The following SLC35F4 variants were observed in gnomAD, a reference collection of about 807,000 sequenced individuals.
SLC35F4 encodes chromosome 14 open reading frame 36.
In SLC35F4, 24 loss-of-function variants were observed where a neutral mutation model predicts 44.2. The ratio of observed to expected loss-of-function variants is 0.54; its 90% CI spans 0.39 to 0.76. SLC35F4 has a LOEUF of 0.76. SLC35F4 is among the 30% of genes least tolerant of loss of function. The probability of loss-of-function intolerance (pLI) is 0.00; values close to 1 mark genes in which losing one functional copy is unlikely to be tolerated. For missense variants in SLC35F4, 562 were observed against 586.1 expected (o/e 0.96, Z 0.42); for synonymous variants, 238 against 223.6 (o/e 1.06, Z -0.57).
chr14:57,746,420 A>G (rs2076755480), intron 1 of SLC35F4, among the ~76,000 whole-genome samples: 1 of 151,912 alleles, frequency 6.6e-6, no homozygotes, highest in Admixed American at 6.6e-5. Flanking sequence ...TGATCATATT[A>G]TTTTTCTCTT....
chr14:57,722,146 A>G (rs2076100881), intron 1 of SLC35F4, among the ~76,000 whole-genome samples: 1 of 152,182 alleles, frequency 6.6e-6, no homozygotes, highest in South Asian at 2.1e-4. Context: ...ATAATGGTGG[A>G]AGGAACACAG....
upstream of SLC35F4, among the ~76,000 whole-genome samples, chr14:57,983,067 C>A (rs1327723612): frequency 6.6e-6 from 1 of 152,230 alleles, no homozygotes; most frequent in Non-Finnish European, 1.5e-5. Flanking sequence ...ACCAACCTGG[C>A]TCTGTCTGCC....
At chr14:57,913,449 T>C (rs1041473447) in intron 1 of SLC35F4, among the ~76,000 whole-genome samples, 12 of 152,100 alleles carry the variant, frequency 7.9e-5, no homozygotes, top group African/African-American at 2.9e-4. Flanking sequence ...TTTTTCAACG[T>C]TTTTTAGTGG....
intron 1 of SLC35F4, among the ~76,000 whole-genome samples, chr14:57,597,771 T>G (rs2070581656): frequency 1.3e-5 from 2 of 152,164 alleles, no homozygotes; most frequent in Admixed American, 1.3e-4. Context: ...GTGCATGCTA[T>G]GAAGCTCAAT....
downstream of SLC35F4, among the ~76,000 whole-genome samples, chr14:57,975,544 G>T (rs527367665): frequency 2.0e-5 from 3 of 152,352 alleles, no homozygotes; most frequent in African/African-American, 7.2e-5. Context: ...CAGTAAATGA[G>T]ATGGAGATGT....
At position 57,865,799 on chromosome 14, in the gene SLC35F4, CCCG is replaced by C. The variant is rs1486856503; in HGVS notation, c.24_26del (p.Asn8_Gly9delinsLys). On this transcript the variant is annotated inframe_deletion, in exon 1 of 8. Coordinates refer to ENST00000556826, the MANE Select transcript of SLC35F4 (RefSeq NM_001306087.2). ...GGATCCGGTCCTCGATAGTGGCCACCCCGTTGGGGGCCGCCTTGACATCCATAG... is the reference window on the plus strand; with the variant it reads ...GGATCCGGTCCTCGATAGTGGCCACCTTGGGGGCCGCCTTGACATCCATAG... 6.6e-7 allele frequency: 1 copy of C among 1,519,828 alleles called. No individual in the cohort carries two copies. The highest frequency in any genetic ancestry group is 8.8e-7 in the Non-Finnish European group (1 of 1,140,442). 94.1% of individuals were successfully genotyped at this position (1,519,828 alleles called of 1,614,324 possible).
intron 1 of SLC35F4, among the ~76,000 whole-genome samples, chr14:57,657,215 T>C (rs1218820694): frequency 6.6e-6 from 1 of 152,254 alleles, no homozygotes; most frequent in African/African-American, 2.4e-5. Flanking sequence ...CTTCCCATTT[T>C]GGGAGATGGA....
chr14:57,875,174 C>T (rs1888373218), intron 1 of SLC35F4, among the ~76,000 whole-genome samples: 1 of 152,068 alleles, frequency 6.6e-6, no homozygotes, highest in Non-Finnish European at 1.5e-5. Context: ...TGTGTAATCT[C>T]CTACTGAAAT....
intron 1 of SLC35F4, among the ~76,000 whole-genome samples, chr14:57,625,872 C>T (rs1185789322): frequency 5.3e-5 from 8 of 152,126 alleles, no homozygotes; most frequent in African/African-American, 1.4e-4. Context: ...GACACACACA[C>T]GTATGTTTAT....
rs116460556 is a variant in SLC35F4, at chr14:57,690,922, C to G, written c.104-96798G>C. Among the ~76,000 whole-genome samples the G allele has an allele frequency of 4.1e-3, 628 of 152,254 alleles. 6 individuals carry two copies. The highest frequency in any genetic ancestry group is 0.014 in the African/African-American group (585 of 41,562). ...TGAAGCTTGGCTTGCTTGCCCGCTGCTCACCTCCTGCTGTGCAGCCCAGTA... is the reference window on the plus strand; with the variant it reads ...TGAAGCTTGGCTTGCTTGCCCGCTGGTCACCTCCTGCTGTGCAGCCCAGTA... On this transcript the variant is annotated intron_variant, in intron 1 of 7. Coordinates refer to ENST00000556826, the MANE Select transcript of SLC35F4 (RefSeq NM_001306087.2).
chr14:57,632,876 GCCTC>G lies in SLC35F4; in HGVS notation c.104-38756_104-38753del, dbSNP rs1304097085. On this transcript the variant is annotated intron_variant, in intron 1 of 7. Coordinates refer to ENST00000556826, the MANE Select transcript of SLC35F4 (RefSeq NM_001306087.2). Reference sequence around the variant, plus strand: ...CTTCCCTAAAAATCCTCTGTGCTTTGCCTCCCTCCCTATCCATCCCTCCCTCCCT... The same window carrying G: ...CTTCCCTAAAAATCCTCTGTGCTTTGCCTCCCTATCCATCCCTCCCTCCCT... Among the ~76,000 whole-genome samples the G allele has an allele frequency of 2.0e-5, 3 of 151,878 alleles. No individual in the cohort carries two copies. In the East Asian group the frequency reaches 5.8e-4, roughly 29 times the overall value.
intron 1 of SLC35F4, among the ~76,000 whole-genome samples, chr14:57,953,285 C>A (rs950531331): frequency 6.6e-6 from 1 of 152,074 alleles, no homozygotes; most frequent in Non-Finnish European, 1.5e-5. Context: ...GAAAGAAGCA[C>A]TAAATATGGA....
At chr14:57,887,497 C>G (rs141278787) in intron 1 of SLC35F4, among the ~76,000 whole-genome samples, 1 of 152,328 alleles carries the variant, frequency 6.6e-6, no homozygotes, top group African/African-American at 2.4e-5. Flanking sequence ...AGACTAAAAA[C>G]TGAGAAACAG....
chr14:57,727,115 CATATATATATGTATATATGTA>C (rs1594895872), intron 1 of SLC35F4, among the ~76,000 whole-genome samples: 1 of 56,586 alleles, frequency 1.8e-5, no homozygotes, highest in Non-Finnish European at 4.1e-5. Flanking sequence ...TTAATAAGCT[CATATATATATGTATATATGTA>C]CATATATATA....
At position 57,722,691 on chromosome 14, in the gene SLC35F4, C is replaced by A. The variant is rs2076113881; in HGVS notation, c.104-128567G>T. ...AGCGGCAATCAGAATAGTCTGACTTCTGTAGAGCTCTGGCATTGGCTAATT... is the reference window on the plus strand; with the variant it reads ...AGCGGCAATCAGAATAGTCTGACTTATGTAGAGCTCTGGCATTGGCTAATT... On this transcript the variant is annotated intron_variant, in intron 1 of 7. Coordinates refer to ENST00000556826, the MANE Select transcript of SLC35F4 (RefSeq NM_001306087.2). Among the ~76,000 whole-genome samples, 5 of 152,168 alleles carry A rather than the reference C, an allele frequency of 3.3e-5. No individual in the cohort carries two copies. The South Asian group carries it at 1.0e-3, about 32-fold the overall frequency.
rs72624739 is a variant in SLC35F4, at chr14:57,893,146, C to G, written n.282+88767G>C. On this transcript the variant is annotated intron_variant and non_coding_transcript_variant, in intron 1 of 1. Transcript: ENST00000556568. ...TTCTAGAAGCTCTATGGAAGGCCAA[C>G]AGGGAGAAAAAAACTAAGGTTTGCT... Among the ~76,000 whole-genome samples the G allele has an allele frequency of 0.025, 3,840 of 152,158 alleles. 429 individuals are homozygous for G. The East Asian group carries it at 0.4, about 16-fold the overall frequency.
rs192220297 is a variant in SLC35F4, at chr14:57,681,488, T to C, written c.104-87364A>G. 6.1e-4 allele frequency among the ~76,000 whole-genome samples: 93 copies of C among 151,638 alleles called. No individual in the cohort carries two copies. In the South Asian group the frequency reaches 8.8e-3, roughly 14 times the overall value. On this transcript the variant is annotated intron_variant, in intron 1 of 7. Transcript: ENST00000556826. ...ACCTTATATAAAATGATACAAAATT[T>C]AACAAAAATTAACTCAAGTTGGATT...
intron 1 of SLC35F4, among the ~76,000 whole-genome samples, chr14:57,665,950 G>A (rs530073203): frequency 2.0e-5 from 3 of 152,302 alleles, no homozygotes; most frequent in African/African-American, 7.2e-5. Context: ...GACACATAGA[G>A]GGGGAACAAC....
Position 57,658,504 on chromosome 14 carries a change from A to G in SLC35F4, c.104-64380T>C, listed in dbSNP as rs554196512. The stretch of plus-strand genomic sequence containing the variant: ...TGTTCAACAATTAATTAGAGAATGA[A>G]GAAGTTCCTTTAGTGAAAATGAAAC... On this transcript the variant is annotated intron_variant, in intron 1 of 7. Transcript: ENST00000556826. Among the ~76,000 whole-genome samples the G allele has an allele frequency of 8.3e-4, 126 of 152,322 alleles. 1 individual carries two copies. Among genetic ancestry groups the G allele is most frequent in the African/African-American group, 2.7e-3 (112 of 41,578 alleles).
Sources: gnomAD v4.1 joint callset for allele counts (sites outside exome capture counted in the v4.1 genomes callset) on GRCh38, gnomAD v4.1.1 for gene constraint, MANE v1.5 for transcripts, NCBI Gene and HGNC (gene_info 2026-07-23, HGNC 2026-07-21) for gene names.